DNM1: variants seen among roughly 807,000 people sequenced by gnomAD.
DNM1 encodes the protein dynamin 1.
In DNM1, 29 loss-of-function variants were observed where a neutral mutation model predicts 104.6. The ratio of observed to expected loss-of-function variants is 0.28; its 90% CI spans 0.21 to 0.38. The LOEUF (loss-of-function observed/expected upper bound fraction) is 0.38. Ranked by LOEUF, DNM1 falls within the 10% of genes least tolerant of loss-of-function variation. The pLI is 1.00. For missense variants in DNM1, 640 were observed against 1,189.4 expected (o/e 0.54, Z 6.79); for synonymous variants, 445 against 475.8 (o/e 0.94, Z 0.84).
At chr9:128,250,658 G>C in intron 20 of DNM1, 67 bp from the exon 21 acceptor site, 1 of 1,298,486 alleles carries the variant, frequency 7.7e-7, no homozygotes, top group Non-Finnish European at 1.0e-6. Flanking sequence ...GGGCTGGGGC[G>C]GGGCCTCTGG....
rs905294683 is a variant in DNM1 at position 128,245,189 on chromosome 9, C to A, written c.1672-1205C>A. Reference sequence around the variant, plus strand: ...TGTGCAACTTCCTCCTCTCCTCCCCCAGCCGCCCTCTGGGGCTCCCGGCCA... The same window carrying A: ...TGTGCAACTTCCTCCTCTCCTCCCCAAGCCGCCCTCTGGGGCTCCCGGCCA... On this transcript the variant is annotated intron_variant, in intron 15 of 21. Transcript: ENST00000372923. This position sits in a 1 kb window ranked among gnomAD's most constrained non-coding sequence, Gnocchi z 5.2. Among the ~76,000 whole-genome samples the A allele has an allele frequency of 1.3e-5, 2 of 152,124 alleles. No individual in the cohort carries two copies. The highest frequency in any genetic ancestry group is 4.8e-5 in the African/African-American group (2 of 41,420).
intron 1 of DNM1, among the ~76,000 whole-genome samples, chr9:128,208,855 A>G (rs1358412292): frequency 6.6e-6 from 1 of 152,176 alleles, no homozygotes. Context: ...AGCATTTAAG[A>G]TTGGACCTGA....
chr9:128,230,734 G>A (rs575928350), intron 10 of DNM1, among the ~76,000 whole-genome samples: 1 of 152,116 alleles, frequency 6.6e-6, no homozygotes, highest in East Asian at 1.9e-4. Flanking sequence ...TTACAAGCAT[G>A]AGCCACCGTG....
At chr9:128,241,286 G>A (rs575149291) in intron 14 of DNM1, among the ~76,000 whole-genome samples, 2 of 152,110 alleles carry the variant, frequency 1.3e-5, no homozygotes, top group African/African-American at 2.4e-5. Flanking sequence ...TCATCCTCTC[G>A]ATCTGACCCA....
chr9:128,230,854 G>A (rs1387801357), intron 10 of DNM1, among the ~76,000 whole-genome samples: 2 of 152,092 alleles, frequency 1.3e-5, no homozygotes, highest in Non-Finnish European at 2.9e-5. Flanking sequence ...CCAGGCTGGA[G>A]TGCAGTGGCA....
At chr9:128,206,247 G>A (rs76454478) in intron 1 of DNM1, among the ~76,000 whole-genome samples, 279 of 152,252 alleles carry the variant, frequency 1.8e-3, no homozygotes, top group African/African-American at 6.0e-3. Context: ...AGGCCCACCC[G>A]GGCTTCTGGG....
At chr9:128,211,905 T>C (rs1318390491) in intron 1 of DNM1, among the ~76,000 whole-genome samples, 2 of 152,146 alleles carry the variant, frequency 1.3e-5, no homozygotes, top group Non-Finnish European at 2.9e-5. Context: ...CCAACCATGG[T>C]TAATATTAAC....
rs766566950 is a variant in DNM1, at chr9:128,220,253, C to T, written c.761C>T (p.Ala254Val). 1 of 1,614,242 alleles carries T rather than the reference C, an allele frequency of 6.2e-7. No individual in the cohort carries two copies. The highest frequency in any genetic ancestry group is 8.5e-7 in the Non-Finnish European group (1 of 1,180,040). Residue 254 changes from alanine (A) to valine (V), a missense_variant, in exon 6 of 22, where the codon GCT (alanine) becomes GTT (valine). Ala to Val is a moderately conservative substitution (Grantham distance 64, BLOSUM62 0). Coordinates refer to ENST00000372923, the MANE Select transcript of DNM1 (RefSeq NM_004408.4). The surrounding 1 kb of genome is among the most constrained non-coding windows in gnomAD (Gnocchi z 5.2). ...GKKDITAALA[A>V]ERKFFLSHPS... ...AAGGACATTACCGCCGCCTTGGCTG[C>T]TGAACGAAAGTTCTTCCTCTCCCAT...
chr9:128,237,338 T>G (rs1836077695), intron 11 of DNM1, among the ~76,000 whole-genome samples: 1 of 152,068 alleles, frequency 6.6e-6, no homozygotes, highest in African/African-American at 2.4e-5. Flanking sequence ...CTCGGCTCTC[T>G]GCAACCTCTG....
chr9:128,212,537 T>C (rs1436979396), intron 1 of DNM1, among the ~76,000 whole-genome samples: 1 of 152,094 alleles, frequency 6.6e-6, no homozygotes, highest in Non-Finnish European at 1.5e-5. Flanking sequence ...AGAAAGAGGA[T>C]CCAGATGTAG....
In DNM1 at chr9:128,254,667, G is replaced by T; in HGVS notation, c.2548G>T (p.Ala850Ser). The T allele has an allele frequency of 6.3e-7, 1 of 1,596,198 alleles. No individual in the cohort carries two copies. The highest frequency in any genetic ancestry group is 1.1e-5 in the South Asian group (1 of 90,954). Residue 850 changes from alanine to serine, a missense_variant, in exon 22 of 22, where the codon GCA (alanine) becomes TCA (serine). By Grantham distance (99) the Ala-to-Ser change is moderately conservative. This residue lies in a region of DNM1 where 37 missense variants were observed against 35.6 expected (regional missense o/e 1.04). Coordinates refer to ENST00000372923, the MANE Select transcript of DNM1 (RefSeq NM_004408.4). This position sits in a 1 kb window ranked among gnomAD's most constrained non-coding sequence, Gnocchi z 6.1. ...TCCAACTGCCAGCCGATCGGGTCAG[G>T]CAAGTCCATCCCGTCCTGAGAGCCC... The part of the protein sequence containing the change: ...PPGVPSRSGQ[A>S]SPSRPESPRP...
chr9:128,253,793 A>G lies in DNM1; in HGVS notation c.2535-861A>G, dbSNP rs539122443. 2.0e-6 allele frequency: 1 copy of G among 501,636 alleles called. No individual in the cohort carries two copies. Among genetic ancestry groups the G allele is most frequent in the South Asian group, 1.1e-4 (1 of 9,390 alleles). The allele number at this position is 501,636 out of a possible 1,614,324, so 31.1% of individuals were successfully genotyped here. A position where few individuals can be genotyped will look rare whatever the true frequency, so the allele number is the denominator to read the frequency against. ...CCTTCCCTCCCTCCCAGGTACCGTC[A>G]TAGCTGCTAGTGTGACTGAAGGCAG... On this transcript the variant is annotated intron_variant, in intron 21 of 21. Transcript: ENST00000372923. The surrounding 1 kb of genome is among the most constrained non-coding windows in gnomAD (Gnocchi z 5.9).
rs1162793810 is a variant in DNM1 at position 128,220,869 on chromosome 9, C to CT, written c.849+534dup. On this transcript the variant is annotated intron_variant, in intron 6 of 21. Transcript: ENST00000372923. This position sits in a 1 kb window ranked among gnomAD's most constrained non-coding sequence, Gnocchi z 5.2. ...TCTCTGGCTCTCTGAGCCTCTATTTCTTTTTTCTTTATTTGTTTTCTTTCT... is the reference window on the plus strand; with the variant it reads ...TCTCTGGCTCTCTGAGCCTCTATTTCTTTTTTTCTTTATTTGTTTTCTTTCT... Among the ~76,000 whole-genome samples, 1 of 142,770 alleles carries CT rather than the reference C, an allele frequency of 7.0e-6. No individual in the cohort carries two copies. Among genetic ancestry groups the CT allele is most frequent in the Non-Finnish European group, 1.6e-5 (1 of 63,932 alleles). The allele number at this position is 142,770 out of a possible 152,430, so 93.7% of individuals were successfully genotyped here. A position where few individuals can be genotyped will look rare whatever the true frequency, so the allele number is the denominator to read the frequency against.
chr9:128,208,325 C>A (rs1199162041), intron 1 of DNM1, among the ~76,000 whole-genome samples: 1 of 152,182 alleles, frequency 6.6e-6, no homozygotes, highest in African/African-American at 2.4e-5. Context: ...TCCTAAAGTG[C>A]TGGGATTACA....
Position 128,226,035 on chromosome 9 carries a change from G to A in DNM1, c.1335+1646G>A. 4 of 1,612,544 alleles carry A rather than the reference G, an allele frequency of 2.5e-6. No homozygotes were observed. The African/African-American group carries it at 4.0e-5, about 16-fold the overall frequency. On this transcript the variant is annotated intron_variant, in intron 10 of 21. Transcript: ENST00000372923. ...GTCCCCACCTCCTCCCCGGGTGCAG[G>A]ACGGGCCTCTTCACACCTGACCTCG...
chr9:128,252,156 G>C (rs896362345), intron 21 of DNM1: 1 of 196,336 alleles, frequency 5.1e-6, no homozygotes, highest in Admixed American at 5.6e-5. Flanking sequence ...GCGGTTGTGG[G>C]GATCGAGGGA....
At chr9:128,242,101 A>G in intron 14 of DNM1, 131 bp from the exon 15 acceptor site, 1 of 676,834 alleles carries the variant, frequency 1.5e-6, no homozygotes, top group Non-Finnish European at 2.7e-6. Flanking sequence ...TCTGGCCCCC[A>G]CCCTCCCTGA....
chr9:128,246,325 C>T, intron 15 of DNM1, 69 bp from the exon 16 acceptor site: 1 of 1,086,074 alleles, frequency 9.2e-7, no homozygotes, highest in Non-Finnish European at 1.4e-6. Context: ...GTCAGGGGGA[C>T]TCTTAGAGAG....
In DNM1 at chr9:128,231,194, CTTTTTTTTT is replaced by C. The variant is rs72047067; in HGVS notation, c.1336-2811_1336-2803del. ...AAAAGGAGGAAACTGATACTTTTGC[CTTTTTTTTT>C]TTTTTTTTTTTTTTTGGAGACAGAA... On this transcript the variant is annotated intron_variant, in intron 10 of 21. Coordinates refer to ENST00000372923, the MANE Select transcript of DNM1 (RefSeq NM_004408.4). Among the ~76,000 whole-genome samples the C allele has an allele frequency of 3.2e-3, 217 of 68,530 alleles. 5 individuals are homozygous for C. The highest frequency in any genetic ancestry group is 0.012 in the African/African-American group (208 of 16,840). 45.0% of individuals were successfully genotyped at this position (68,530 alleles called of 152,430 possible). A position where few individuals can be genotyped will look rare whatever the true frequency, so the allele number is the denominator to read the frequency against.
Sources: gnomAD v4.1 joint callset for allele counts (sites outside exome capture counted in the v4.1 genomes callset) on GRCh38, gnomAD v4.1.1 for gene constraint, gnomAD v4.1.1 regional missense constraint, Gnocchi (gnomAD v3.1) non-coding constraint, MANE v1.5 for transcripts, NCBI Gene and HGNC (gene_info 2026-07-23, HGNC 2026-07-21) for gene names.